Variants in LRRC4C observed in about 807,000 individuals in gnomAD.
LRRC4C encodes the protein leucine-rich repeat-containing protein 4C.
A neutral mutation model predicts 33.6 loss-of-function variants in LRRC4C; 5 were observed. The observed-to-expected ratio is 0.15, with a 90% CI of 0.08 to 0.31. LRRC4C has a LOEUF of 0.31. LRRC4C is among the 10% of genes least tolerant of loss of function. LRRC4C has a pLI of 1.00. For missense variants in LRRC4C, 560 were observed against 796.7 expected (o/e 0.70, Z 3.58); for synonymous variants, 329 against 302.0 (o/e 1.09, Z -0.93).
At chr11:40,795,325 G>A (rs1269916498) in intron 2 of LRRC4C, among the ~76,000 whole-genome samples, 1 of 151,982 alleles carries the variant, frequency 6.6e-6, no homozygotes, top group African/African-American at 2.4e-5. Context: ...TCAGGAGATC[G>A]AGACCATCCT....
At chr11:40,462,958 A>G (rs573891908) in intron 3 of LRRC4C, among the ~76,000 whole-genome samples, 1 of 145,540 alleles carries the variant, frequency 6.9e-6, no homozygotes, top group African/African-American at 2.6e-5. Flanking sequence ...GAGGTCTCAC[A>G]TCATACTTAT....
chr11:40,244,124 A>C (rs1319360298), intron 4 of LRRC4C, among the ~76,000 whole-genome samples: 1 of 152,174 alleles, frequency 6.6e-6, no homozygotes, highest in Non-Finnish European at 1.5e-5. Context: ...AGTAGTGGAG[A>C]TGCACAAACA....
At chr11:41,307,569 A>C (rs1019344945) in intron 1 of LRRC4C, among the ~76,000 whole-genome samples, 20 of 152,208 alleles carry the variant, frequency 1.3e-4, no homozygotes, top group African/African-American at 4.6e-4. Flanking sequence ...AACAGACACC[A>C]TTGTGGGGAC....
At chr11:41,136,053 T>A (rs147858101) in intron 1 of LRRC4C, among the ~76,000 whole-genome samples, 38 of 152,254 alleles carry the variant, frequency 2.5e-4, no homozygotes, top group African/African-American at 7.7e-4. Context: ...CATCCATTCA[T>A]CATTTATTCA....
At chr11:40,564,010 T>C (rs1003123458) in intron 3 of LRRC4C, among the ~76,000 whole-genome samples, 2 of 152,038 alleles carry the variant, frequency 1.3e-5, no homozygotes, top group African/African-American at 4.8e-5. Context: ...AGTATGAAAA[T>C]AGATTACAAC....
At chr11:40,233,865 A>C (rs1590779375) in intron 5 of LRRC4C, among the ~76,000 whole-genome samples, 1 of 152,218 alleles carries the variant, frequency 6.6e-6, no homozygotes, top group African/African-American at 2.4e-5. Context: ...CTTATCTAAC[A>C]ATATTAGGTA....
intron 1 of LRRC4C, among the ~76,000 whole-genome samples, chr11:41,078,644 G>A (rs1218668673): frequency 2.6e-5 from 4 of 152,144 alleles, no homozygotes; most frequent in African/African-American, 4.8e-5. Context: ...AAGCAAAGGG[G>A]AAACCCGCCT....
intron 1 of LRRC4C, among the ~76,000 whole-genome samples, chr11:41,423,143 A>T (rs556276792): frequency 3.2e-4 from 48 of 152,208 alleles, no homozygotes; most frequent in African/African-American, 1.1e-3. Flanking sequence ...ATGAATTTTT[A>T]AGAATGAACA....
intron 2 of LRRC4C, among the ~76,000 whole-genome samples, chr11:40,657,391 C>T (rs1943178517): frequency 6.6e-6 from 1 of 152,198 alleles, no homozygotes; most frequent in Non-Finnish European, 1.5e-5. Flanking sequence ...GCCATGTTCT[C>T]TGTAGGGCAT....
At chr11:40,610,010 G>A (rs978730266) in intron 3 of LRRC4C, among the ~76,000 whole-genome samples, 10 of 151,706 alleles carry the variant, frequency 6.6e-5, no homozygotes, top group South Asian at 2.1e-4. Flanking sequence ...CCAAAAAATC[G>A]AAAAAGAGGC....
intron 2 of LRRC4C, among the ~76,000 whole-genome samples, chr11:40,673,901 T>C (rs1029296541): frequency 2.0e-5 from 3 of 152,170 alleles, no homozygotes; most frequent in African/African-American, 7.2e-5. Context: ...CCAGTGTTGG[T>C]TCTGCAGGCA....
At chr11:40,876,656 G>A (rs767272911) in intron 2 of LRRC4C, among the ~76,000 whole-genome samples, 9 of 151,996 alleles carry the variant, frequency 5.9e-5, no homozygotes, top group Non-Finnish European at 1.3e-4. Flanking sequence ...TGTAATCCCA[G>A]CACTTTGGGA....
intron 1 of LRRC4C, among the ~76,000 whole-genome samples, chr11:41,025,602 A>G (rs1856289287): frequency 6.6e-6 from 1 of 151,810 alleles, no homozygotes; most frequent in Non-Finnish European, 1.5e-5. Context: ...GAAAGAAGCC[A>G]TCTCCATAAA....
chr11:40,438,202 C>T (rs1951226537), intron 3 of LRRC4C, among the ~76,000 whole-genome samples: 1 of 152,198 alleles, frequency 6.6e-6, no homozygotes. Context: ...TTTATGTTTG[C>T]TTTGCCTGAT....
At chr11:40,732,566 G>A (rs533625150) in intron 2 of LRRC4C, among the ~76,000 whole-genome samples, 1 of 152,264 alleles carries the variant, frequency 6.6e-6, no homozygotes, top group East Asian at 1.9e-4. Flanking sequence ...AGGCATGCTA[G>A]AAGAAAGAGA....
chr11:40,239,220 AT>A (rs1025663723), intron 5 of LRRC4C, among the ~76,000 whole-genome samples: 18 of 151,976 alleles, frequency 1.2e-4, no homozygotes, highest in Admixed American at 3.3e-4. Context: ...CTCTAAGCAT[AT>A]TTTCCCCCAA....
intron 2 of LRRC4C, among the ~76,000 whole-genome samples, chr11:40,806,549 C>A (rs533456292): frequency 6.6e-6 from 1 of 152,312 alleles, no homozygotes; most frequent in East Asian, 1.9e-4. Flanking sequence ...GGGACAGTCA[C>A]AATGACCCCC....
chr11:40,291,696 G>C (rs554735122), intron 4 of LRRC4C, among the ~76,000 whole-genome samples: 2 of 152,112 alleles, frequency 1.3e-5, no homozygotes, highest in East Asian at 3.9e-4. Context: ...CTCCACCCAC[G>C]CACCAGCCAG....
chr11:41,300,638 A>C (rs970437296), intron 1 of LRRC4C, among the ~76,000 whole-genome samples: 2 of 152,108 alleles, frequency 1.3e-5, no homozygotes, highest in East Asian at 3.9e-4. Flanking sequence ...GCAGAGGAGA[A>C]TTCTTCTTTC....
Sources: allele counts gnomAD v4.1 joint callset (sites outside exome capture counted in the v4.1 genomes callset), GRCh38; gene constraint gnomAD v4.1.1; transcripts MANE v1.5; gene names NCBI Gene and HGNC (gene_info 2026-07-23, HGNC 2026-07-21).